Variants in ARF6 observed in about 807,000 individuals in gnomAD.
ARF6 encodes ARF GTPase 6, also known as ADP-ribosylation factor 6.
For synonymous variants in ARF6, 127 were observed against 95.5 expected (o/e 1.33, Z -1.92); for missense variants, 75 against 232.0 (o/e 0.32, Z 4.40).
chr14:49,894,224 A>T lies in ARF6; in HGVS notation c.488A>T (p.Tyr163Phe), dbSNP rs61755575. 5.0e-6 allele frequency: 8 copies of T among 1,613,930 alleles called. No individual in the cohort carries two copies. Among genetic ancestry groups the T allele is most frequent in the Non-Finnish European group, 5.9e-6 (7 of 1,179,888 alleles). The change falls in exon 2 of 2, where the codon TAT (tyrosine) becomes TTT (phenylalanine). Residue 163 changes from tyrosine (Y) to phenylalanine (F), a missense_variant. Physicochemically the swap from Tyr to Phe is conservative, Grantham distance 22. Coordinates refer to ENST00000298316, the MANE Select transcript of ARF6 (RefSeq NM_001663.4). ...PSCATSGDGL[Y>F]EGLTWLTSNY... ...TGTGCCACCTCAGGGGACGGACTCTATGAGGGGCTCACATGGTTAACCTCT... is the reference window on the plus strand; with the variant it reads ...TGTGCCACCTCAGGGGACGGACTCTTTGAGGGGCTCACATGGTTAACCTCT...
Position 49,894,374 on chromosome 14 carries a change from A to G in ARF6, c.*110A>G. On this transcript the variant is annotated 3_prime_UTR_variant, in exon 2 of 2. Coordinates refer to ENST00000298316, the MANE Select transcript of ARF6 (RefSeq NM_001663.4). ...CCACTTTCTCTTCTTTTGAATTTGA[A>G]CTCTGGAGTTACTGTTCTACAGTTT... 1 of 1,167,604 alleles carries G rather than the reference A, an allele frequency of 8.6e-7. No homozygotes were observed. Among genetic ancestry groups the G allele is most frequent in the East Asian group, 2.6e-5 (1 of 38,436 alleles). The allele number at this position is 1,167,604 out of a possible 1,614,324, so 72.3% of individuals were successfully genotyped here.
At position 49,894,313 on chromosome 14, in the gene ARF6, T is replaced by G; in HGVS notation, c.*49T>G. The G allele has an allele frequency of 6.6e-7, 1 of 1,512,622 alleles. No individual in the cohort carries two copies. Among genetic ancestry groups the G allele is most frequent in the South Asian group, 1.3e-5 (1 of 79,534 alleles). The allele number at this position is 1,512,622 out of a possible 1,614,324, so 93.7% of individuals were successfully genotyped here. A position where few individuals can be genotyped will look rare whatever the true frequency, so the allele number is the denominator to read the frequency against. ...GGAAGGAGAGAAATCAAAAACCCAT[T>G]CATAGGATTATCGCCACCATCACCT... is the stretch of plus-strand genomic sequence containing the variant. On this transcript the variant is annotated 3_prime_UTR_variant, in exon 2 of 2. Transcript: ENST00000298316.
At position 49,893,633 on chromosome 14, in the gene ARF6, C is replaced by G. The variant is rs536111990; in HGVS notation, c.-104C>G. The G allele has an allele frequency of 4.1e-5, 60 of 1,459,378 alleles. No individual in the cohort carries two copies. Among genetic ancestry groups the G allele is most frequent in the Non-Finnish European group, 5.3e-5 (57 of 1,072,920 alleles). The allele number at this position is 1,459,378 out of a possible 1,614,324, so 90.4% of individuals were successfully genotyped here. On this transcript the variant is annotated 5_prime_UTR_variant, in exon 2 of 2. Coordinates refer to ENST00000298316, the MANE Select transcript of ARF6 (RefSeq NM_001663.4). ...CTCCCACGCAGGCCGCAAAGGCGCT[C>G]TCGCGGCCGAGAGGCTTCGTTTCGG...
chr14:49,893,605 C>T lies in ARF6; in HGVS notation c.-132C>T, dbSNP rs554905833. 1.0e-5 allele frequency: 12 copies of T among 1,147,710 alleles called. No homozygotes were observed. In the East Asian group the frequency reaches 1.7e-4, roughly 16 times the overall value. 71.1% of individuals were successfully genotyped at this position (1,147,710 alleles called of 1,614,324 possible). On this transcript the variant is annotated 5_prime_UTR_variant, in exon 2 of 2. Coordinates refer to ENST00000298316, the MANE Select transcript of ARF6 (RefSeq NM_001663.4). The stretch of plus-strand genomic sequence containing the variant: ...GGCCTGGGCCTCTGCCCTTAGGAGG[C>T]AACTCCCACGCAGGCCGCAAAGGCG...
At position 49,894,284 on chromosome 14, in the gene ARF6, C is replaced by T. The variant is rs1281802864; in HGVS notation, c.*20C>T. 3.8e-6 allele frequency: 6 copies of T among 1,576,448 alleles called. No individual in the cohort carries two copies. Among genetic ancestry groups the T allele is most frequent in the East Asian group, 2.3e-5 (1 of 44,062 alleles). ...TCTTAATGAGCATTCTCCACCCATCCCCTGGAAGGAGAGAAATCAAAAACC... is the reference window on the plus strand; with the variant it reads ...TCTTAATGAGCATTCTCCACCCATCTCCTGGAAGGAGAGAAATCAAAAACC... On this transcript the variant is annotated 3_prime_UTR_variant, in exon 2 of 2. Transcript: ENST00000298316.
rs1424654298 is a variant in ARF6 at position 49,895,538 on chromosome 14, A to G, written c.*1274A>G. ...GGATTAACTCATGCAAATAATAAAA[A>G]AGATATCCTGTTGGTTCAATAGTAC... On this transcript the variant is annotated 3_prime_UTR_variant, in exon 2 of 2. Coordinates refer to ENST00000298316, the MANE Select transcript of ARF6 (RefSeq NM_001663.4). 2 of 167,108 alleles carry G rather than the reference A, an allele frequency of 1.2e-5. No homozygotes were observed. The highest frequency in any genetic ancestry group is 6.5e-5 in the Admixed American group (1 of 15,280). The allele number at this position is 167,108 out of a possible 1,614,324, so 10.4% of individuals were successfully genotyped here.
At position 49,894,272 on chromosome 14, in the gene ARF6, T is replaced by C. The variant is rs1420189659; in HGVS notation, c.*8T>C. ...TCTAACTACAAATCTTAATGAGCATTCTCCACCCATCCCCTGGAAGGAGAG... is the reference window on the plus strand; with the variant it reads ...TCTAACTACAAATCTTAATGAGCATCCTCCACCCATCCCCTGGAAGGAGAG... On this transcript the variant is annotated 3_prime_UTR_variant, in exon 2 of 2. Transcript: ENST00000298316. The C allele has an allele frequency of 1.9e-6, 3 of 1,595,710 alleles. No homozygotes were observed. The highest frequency in any genetic ancestry group is 2.3e-5 in the East Asian group (1 of 44,396).
rs763529690 is a variant in ARF6, at chr14:49,893,469, C to G, written c.-268C>G. On this transcript the variant is annotated 5_prime_UTR_variant, in exon 2 of 2. Coordinates refer to ENST00000298316, the MANE Select transcript of ARF6 (RefSeq NM_001663.4). ...CTGCGGGGGGAAGGGCAGTTCCGGG[C>G]CGGGCCGCGCCTCAGCAGGGCGGCG... 2 of 366,822 alleles carry G rather than the reference C, an allele frequency of 5.5e-6. No homozygotes were observed. Among genetic ancestry groups the G allele is most frequent in the Admixed American group, 4.5e-5 (1 of 22,406 alleles). The allele number at this position is 366,822 out of a possible 1,614,324, so 22.7% of individuals were successfully genotyped here. A position where few individuals can be genotyped will look rare whatever the true frequency, so the allele number is the denominator to read the frequency against.
Position 49,895,560 on chromosome 14 carries a change from G to C in ARF6, c.*1296G>C, listed in dbSNP as rs1220489078. 1.2e-5 allele frequency: 2 copies of C among 167,092 alleles called. No homozygotes were observed. The highest frequency in any genetic ancestry group is 2.9e-5 in the Non-Finnish European group (2 of 68,108). 10.4% of individuals were successfully genotyped at this position (167,092 alleles called of 1,614,324 possible). On this transcript the variant is annotated 3_prime_UTR_variant, in exon 2 of 2. Transcript: ENST00000298316. ...AAAAAGATATCCTGTTGGTTCAATA[G>C]TACACTGTCTCCTTTAAGGAAGGAA...
rs1430842488 is a variant in ARF6, at chr14:49,894,828, C to T, written c.*564C>T. 1.2e-5 allele frequency: 2 copies of T among 167,124 alleles called. No individual in the cohort carries two copies. The highest frequency in any genetic ancestry group is 2.9e-5 in the Non-Finnish European group (2 of 68,312). 10.4% of individuals were successfully genotyped at this position (167,124 alleles called of 1,614,324 possible). A position where few individuals can be genotyped will look rare whatever the true frequency, so the allele number is the denominator to read the frequency against. ...CCCCCCCCTTCCTTATGAGTTCTAA[C>T]TTAGTAATTTCAAATGTGACCTTTT... is the stretch of plus-strand genomic sequence containing the variant. On this transcript the variant is annotated 3_prime_UTR_variant, in exon 2 of 2. Transcript: ENST00000298316.
rs1894528120 is a variant in ARF6 at position 49,896,696 on chromosome 14, A to G, written c.*2432A>G. ...GGAAAACCCTAAACCTTTTGGTAAG[A>G]AATTGTAATTTTCACTTAAAATTTT... On this transcript the variant is annotated 3_prime_UTR_variant, in exon 2 of 2. Coordinates refer to ENST00000298316, the MANE Select transcript of ARF6 (RefSeq NM_001663.4). 1 of 167,062 alleles carries G rather than the reference A, an allele frequency of 6.0e-6. No homozygotes were observed. The highest frequency in any genetic ancestry group is 1.5e-5 in the Non-Finnish European group (1 of 68,100). The allele number at this position is 167,062 out of a possible 1,614,324, so 10.3% of individuals were successfully genotyped here.
rs1894504195 is a variant in ARF6 at position 49,895,069 on chromosome 14, T to C, written c.*805T>C. On this transcript the variant is annotated 3_prime_UTR_variant, in exon 2 of 2. Transcript: ENST00000298316. ...TTAATGCTGCATAAAAATATGAAAG[T>C]GTAACCCATGAAGGACACTTTTTCT... 1 of 167,086 alleles carries C rather than the reference T, an allele frequency of 6.0e-6. No homozygotes were observed. Among genetic ancestry groups the C allele is most frequent in the African/African-American group, 2.4e-5 (1 of 41,474 alleles). The allele number at this position is 167,086 out of a possible 1,614,324, so 10.4% of individuals were successfully genotyped here.
In ARF6 at chr14:49,894,807, C is replaced by T. The variant is rs1369700558; in HGVS notation, c.*543C>T. ...GTCTTTTATATTTAAGGCCTTCCCC[C>T]CCCTTCCTTATGAGTTCTAACTTAG... On this transcript the variant is annotated 3_prime_UTR_variant, in exon 2 of 2. Coordinates refer to ENST00000298316, the MANE Select transcript of ARF6 (RefSeq NM_001663.4). 6.0e-6 allele frequency: 1 copy of T among 167,380 alleles called. No individual in the cohort carries two copies. Among genetic ancestry groups the T allele is most frequent in the African/African-American group, 2.4e-5 (1 of 41,392 alleles). The allele number at this position is 167,380 out of a possible 1,614,324, so 10.4% of individuals were successfully genotyped here.
rs1894511245 is a variant in ARF6 at position 49,895,578 on chromosome 14, G to C, written c.*1314G>C. Reference sequence around the variant, plus strand: ...TTCAATAGTACACTGTCTCCTTTAAGGAAGGAAGCGTGATGAATGAATGAT... The same window carrying C: ...TTCAATAGTACACTGTCTCCTTTAACGAAGGAAGCGTGATGAATGAATGAT... On this transcript the variant is annotated 3_prime_UTR_variant, in exon 2 of 2. Coordinates refer to ENST00000298316, the MANE Select transcript of ARF6 (RefSeq NM_001663.4). 6.0e-6 allele frequency: 1 copy of C among 167,054 alleles called. No individual in the cohort carries two copies. Among genetic ancestry groups the C allele is most frequent in the South Asian group, 2.1e-4 (1 of 4,824 alleles). 10.3% of individuals were successfully genotyped at this position (167,054 alleles called of 1,614,324 possible).
chr14:49,896,408 AAAC>A lies in ARF6; in HGVS notation c.*2147_*2149del, dbSNP rs1894524197. On this transcript the variant is annotated 3_prime_UTR_variant, in exon 2 of 2. Coordinates refer to ENST00000298316, the MANE Select transcript of ARF6 (RefSeq NM_001663.4). ...AATGCTATAGTAACATCCTGAAACA[AAAC>A]AAGCACAAAGGTATAAATGCCTAAA... 1 of 167,112 alleles carries A rather than the reference AAAC, an allele frequency of 6.0e-6. No individual in the cohort carries two copies. Among genetic ancestry groups the A allele is most frequent in the Admixed American group, 6.5e-5 (1 of 15,284 alleles). 10.4% of individuals were successfully genotyped at this position (167,112 alleles called of 1,614,324 possible). A position where few individuals can be genotyped will look rare whatever the true frequency, so the allele number is the denominator to read the frequency against.
Position 49,895,543 on chromosome 14 carries a change from A to G in ARF6, c.*1279A>G, listed in dbSNP as rs1479031355. 1 of 167,096 alleles carries G rather than the reference A, an allele frequency of 6.0e-6. No individual in the cohort carries two copies. The highest frequency in any genetic ancestry group is 1.5e-5 in the Non-Finnish European group (1 of 68,100). 10.4% of individuals were successfully genotyped at this position (167,096 alleles called of 1,614,324 possible). On this transcript the variant is annotated 3_prime_UTR_variant, in exon 2 of 2. Transcript: ENST00000298316. Reference sequence around the variant, plus strand: ...AACTCATGCAAATAATAAAAAAGATATCCTGTTGGTTCAATAGTACACTGT... The same window carrying G: ...AACTCATGCAAATAATAAAAAAGATGTCCTGTTGGTTCAATAGTACACTGT...
chr14:49,894,404 G>A lies in ARF6; in HGVS notation c.*140G>A, dbSNP rs1894491999. The A allele has an allele frequency of 3.3e-6, 3 of 905,334 alleles. No individual in the cohort carries two copies. The highest frequency in any genetic ancestry group is 4.9e-6 in the Non-Finnish European group (3 of 616,472). 56.1% of individuals were successfully genotyped at this position (905,334 alleles called of 1,614,324 possible). On this transcript the variant is annotated 3_prime_UTR_variant, in exon 2 of 2. Coordinates refer to ENST00000298316, the MANE Select transcript of ARF6 (RefSeq NM_001663.4). Reference sequence around the variant, plus strand: ...GGAGTTACTGTTCTACAGTTTGGCGGGGACGGGGCTTGGGGGTTTTCTCTT... The same window carrying A: ...GGAGTTACTGTTCTACAGTTTGGCGAGGACGGGGCTTGGGGGTTTTCTCTT...
Position 49,894,283 on chromosome 14 carries a change from C to A in ARF6, c.*19C>A, listed in dbSNP as rs1408616062. 6.3e-7 allele frequency: 1 copy of A among 1,584,778 alleles called. No individual in the cohort carries two copies. The highest frequency in any genetic ancestry group is 8.6e-7 in the Non-Finnish European group (1 of 1,160,992). On this transcript the variant is annotated 3_prime_UTR_variant, in exon 2 of 2. Coordinates refer to ENST00000298316, the MANE Select transcript of ARF6 (RefSeq NM_001663.4). ...ATCTTAATGAGCATTCTCCACCCATCCCCTGGAAGGAGAGAAATCAAAAAC... is the reference window on the plus strand; with the variant it reads ...ATCTTAATGAGCATTCTCCACCCATACCCTGGAAGGAGAGAAATCAAAAAC...
At position 49,893,661 on chromosome 14, in the gene ARF6, T is replaced by TCG; in HGVS notation, c.-73_-72dup. On this transcript the variant is annotated 5_prime_UTR_variant, in exon 2 of 2. Coordinates refer to ENST00000298316, the MANE Select transcript of ARF6 (RefSeq NM_001663.4). ...GCGGCCGAGAGGCTTCGTTTCGGTT[T>TCG]CGCGGCGGCGGCGGCGTTGTTGGCT... 1 of 1,541,504 alleles carries TCG rather than the reference T, an allele frequency of 6.5e-7. No homozygotes were observed. Among genetic ancestry groups the TCG allele is most frequent in the South Asian group, 1.2e-5 (1 of 81,876 alleles).
Sources: gnomAD v4.1 joint callset for allele counts on GRCh38, gnomAD v4.1.1 for gene constraint, MANE v1.5 for transcripts, NCBI Gene and HGNC (gene_info 2026-07-23, HGNC 2026-07-21) for gene names.